DPP6: variants seen among roughly 807,000 people sequenced by gnomAD.
The protein encoded by DPP6 is A-type potassium channel modulatory protein DPP6.
In DPP6, 69 loss-of-function variants were observed where a neutral mutation model predicts 122.6. The observed-to-expected ratio is 0.56, with a 90% CI of 0.46 to 0.69. The LOEUF is 0.69. DPP6 is among the 30% of genes least tolerant of loss of function. The pLI is 0.00. For missense variants in DPP6, 928 were observed against 1,116.9 expected (o/e 0.83, Z 2.41); for synonymous variants, 418 against 433.1 (o/e 0.97, Z 0.43).
the DPP6 span, among the ~76,000 whole-genome samples, chr7:153,778,428 G>A: frequency 6.6e-6 from 1 of 151,946 alleles, no homozygotes; most frequent in Non-Finnish European, 1.5e-5. Context: ...CCTGGAGAGG[G>A]CTTAGAAACA....
At chr7:154,401,906 A>G (rs1185038893) in intron 1 of DPP6, among the ~76,000 whole-genome samples, 1 of 152,184 alleles carries the variant, frequency 6.6e-6, no homozygotes. Flanking sequence ...TACAAGAAAA[A>G]AACAAACAAC....
At chr7:154,229,892 A>G (rs1321269350) in intron 1 of DPP6, among the ~76,000 whole-genome samples, 2 of 152,192 alleles carry the variant, frequency 1.3e-5, no homozygotes, top group Non-Finnish European at 2.9e-5. Flanking sequence ...TGTGAAACCC[A>G]TGCATAGTTG....
At chr7:154,107,702 G>A (rs1397730723) in intron 1 of DPP6, among the ~76,000 whole-genome samples, 8 of 152,174 alleles carry the variant, frequency 5.3e-5, no homozygotes, top group Admixed American at 5.2e-4. Context: ...ATTATTATTT[G>A]TCAGTTTTAA....
the DPP6 span, among the ~76,000 whole-genome samples, chr7:153,803,713 C>A: frequency 1.3e-5 from 2 of 150,942 alleles, no homozygotes; most frequent in Non-Finnish European, 2.9e-5. Context: ...ATATAGATAT[C>A]TCTTAGATAT....
chr7:153,872,022 G>A, the DPP6 span, among the ~76,000 whole-genome samples: 15 of 152,244 alleles, frequency 9.9e-5, no homozygotes, highest in African/African-American at 3.4e-4. Context: ...CACATTAACA[G>A]TACTAATATT....
intron 1 of DPP6, among the ~76,000 whole-genome samples, chr7:154,377,434 C>G (rs929346706): frequency 3.9e-5 from 6 of 152,180 alleles, no homozygotes; most frequent in African/African-American, 1.4e-4. Flanking sequence ...ATTTGGAGTC[C>G]AGACTCTTGA....
At chr7:153,939,547 AAG>A (rs1486775560) in intron 1 of DPP6, among the ~76,000 whole-genome samples, 1 of 152,190 alleles carries the variant, frequency 6.6e-6, no homozygotes, top group East Asian at 1.9e-4. Flanking sequence ...TCTGAAAAAA[AAG>A]GACCTCACTC....
intron 1 of DPP6, among the ~76,000 whole-genome samples, chr7:154,040,405 C>T (rs1444873910): frequency 1.3e-5 from 2 of 150,628 alleles, no homozygotes; most frequent in Non-Finnish European, 2.9e-5. Flanking sequence ...CAAGATAAGG[C>T]AGCACGCTTC....
intron 1 of DPP6, among the ~76,000 whole-genome samples, chr7:154,172,917 A>T: frequency 6.6e-6 from 1 of 152,266 alleles, no homozygotes; most frequent in Middle Eastern, 3.4e-3. Context: ...CAGTCTTGAG[A>T]CCACAGTGGT....
At chr7:154,892,256 ACT>A in intron 25 of DPP6, 76 bp from the exon 26 acceptor site, 1 of 1,594,096 alleles carries the variant, frequency 6.3e-7, no homozygotes, top group Non-Finnish European at 8.6e-7. Context: ...GTTTCACTAA[ACT>A]CCACACCTTC....
chr7:154,058,185 G>C (rs1343503643), intron 1 of DPP6: 1 of 138,442 alleles, frequency 7.2e-6, no homozygotes, highest in South Asian at 2.4e-4. Context: ...CCCGCGAGGC[G>C]GGGACTGCGA....
intron 7 of DPP6, among the ~76,000 whole-genome samples, chr7:154,712,092 C>G (rs1239878080): frequency 6.6e-6 from 1 of 151,972 alleles, no homozygotes; most frequent in African/African-American, 2.4e-5. Flanking sequence ...TCAAATAAAG[C>G]CTCAATTAGT....
At chr7:154,023,318 G>GCACGCACACGCACACACA (rs373378162) in intron 1 of DPP6, among the ~76,000 whole-genome samples, 232 of 129,614 alleles carry the variant, frequency 1.8e-3, no homozygotes, top group African/African-American at 6.2e-3. Context: ...TTTCTTGTCT[G>GCACGCACACGCACACACA]CACACACACA....
intron 8 of DPP6, among the ~76,000 whole-genome samples, chr7:154,746,231 A>G (rs2131432929): frequency 6.6e-6 from 1 of 152,236 alleles, no homozygotes; most frequent in African/African-American, 2.4e-5. Context: ...AACCTGGAAA[A>G]AGCACAAAAA....
intron 2 of DPP6, among the ~76,000 whole-genome samples, chr7:154,470,510 A>T (rs1420366067): frequency 6.6e-6 from 1 of 152,152 alleles, no homozygotes; most frequent in East Asian, 1.9e-4. Context: ...TGCTCGGGTG[A>T]TGGGATTTAT....
At chr7:154,768,206 G>A (rs557651047) in intron 8 of DPP6, among the ~76,000 whole-genome samples, 1 of 152,354 alleles carries the variant, frequency 6.6e-6, no homozygotes, top group Admixed American at 6.5e-5. Context: ...CGGCCAGCTG[G>A]TCTCCTCCTG....
intron 7 of DPP6, among the ~76,000 whole-genome samples, chr7:154,713,112 T>C (rs192342216): frequency 3.3e-5 from 5 of 152,316 alleles, no homozygotes; most frequent in African/African-American, 1.2e-4. Context: ...CAAAATCCAA[T>C]AGGGCAGTCA....
At chr7:154,382,073 C>T (rs201205249) in intron 1 of DPP6, among the ~76,000 whole-genome samples, 21 of 130,852 alleles carry the variant, frequency 1.6e-4, no homozygotes, top group South Asian at 2.5e-4. Flanking sequence ...TTTTTTTTTC[C>T]TTTTTTTTTT....
At chr7:154,678,195 G>A (rs1019751105) in intron 7 of DPP6, among the ~76,000 whole-genome samples, 1 of 152,214 alleles carries the variant, frequency 6.6e-6, no homozygotes, top group African/African-American at 2.4e-5. Context: ...CAGGATGGGG[G>A]CGGGCCAAAT....
Sources: allele counts gnomAD v4.1 joint callset (sites outside exome capture counted in the v4.1 genomes callset), GRCh38; gene constraint gnomAD v4.1.1; transcripts MANE v1.5; gene names NCBI Gene and HGNC (gene_info 2026-07-23, HGNC 2026-07-21).